Variants in CDK14 observed in about 807,000 individuals in gnomAD.
The protein encoded by CDK14 is cyclin-dependent kinase 14.
Under a neutral mutation model 60.7 loss-of-function variants are expected in CDK14, and 34 were observed. That is an observed-to-expected ratio of 0.56 (90% CI 0.43 to 0.75). CDK14 has a LOEUF of 0.75. Among genes scored for constraint, CDK14 ranks in the 30% least tolerant of loss-of-function variants. The probability of loss-of-function intolerance (pLI) is 0.00; values close to 1 mark genes in which losing one functional copy is unlikely to be tolerated. For missense variants in CDK14, 482 were observed against 564.1 expected (o/e 0.85, Z 1.47); for synonymous variants, 197 against 203.7 (o/e 0.97, Z 0.28).
At chr7:91,133,086 G>A (rs1800166212) in intron 14 of CDK14, among the ~76,000 whole-genome samples, 4 of 152,014 alleles carry the variant, frequency 2.6e-5, no homozygotes, top group Admixed American at 2.6e-4. Flanking sequence ...TGCAAAAAAT[G>A]GAAAAGCGAG....
At chr7:90,957,788 T>C (rs1309828174) in intron 9 of CDK14, among the ~76,000 whole-genome samples, 1 of 151,900 alleles carries the variant, frequency 6.6e-6, no homozygotes, top group African/African-American at 2.4e-5. Context: ...CAAGGTAATT[T>C]ACAGATTCAA....
chr7:91,035,833 C>CG lies in CDK14; in HGVS notation c.1042-10064_1042-10063insG, dbSNP rs765764443. ...TTAGCTAGGCCCTCTGCTTCATGGT[C>CG]TTTTTTTTTTTTTTTTTTTTTGAGA... On this transcript the variant is annotated intron_variant, in intron 10 of 14. Transcript: ENST00000380050. Among the ~76,000 whole-genome samples, 53 of 99,236 alleles carry CG rather than the reference C, an allele frequency of 5.3e-4. 3 individuals are homozygous for CG. In the East Asian group the frequency reaches 0.015, roughly 29 times the overall value. 65.1% of individuals were successfully genotyped at this position (99,236 alleles called of 152,430 possible).
chr7:90,775,933 T>G (rs1233863170), intron 4 of CDK14, among the ~76,000 whole-genome samples: 1 of 152,088 alleles, frequency 6.6e-6, no homozygotes, highest in Admixed American at 6.6e-5. Context: ...GTGGGTATTA[T>G]GTTTATGTAT....
Position 91,147,738 on chromosome 7 carries a change from C to G in CDK14, c.*28+29530C>G, listed in dbSNP as rs545281450. Among the ~76,000 whole-genome samples, 8 of 152,188 alleles carry G rather than the reference C, an allele frequency of 5.3e-5. No individual in the cohort carries two copies. The East Asian group carries it at 1.5e-3, about 29-fold the overall frequency. On this transcript the variant is annotated intron_variant, in intron 14 of 14. Transcript: ENST00000380050. Reference sequence around the variant, plus strand: ...AGGATTCAAACCAAACTCTTTCCCCCCTCCCCCCCATTAAAGCCTGGATGG... The same window carrying G: ...AGGATTCAAACCAAACTCTTTCCCCGCTCCCCCCCATTAAAGCCTGGATGG...
chr7:90,809,622 C>T (rs971039543), intron 5 of CDK14, among the ~76,000 whole-genome samples: 1 of 152,114 alleles, frequency 6.6e-6, no homozygotes, highest in Non-Finnish European at 1.5e-5. Flanking sequence ...TAACTAAGAT[C>T]AGAGCAGAAC....
intron 9 of CDK14, among the ~76,000 whole-genome samples, chr7:90,971,363 T>C (rs1415202356): frequency 6.6e-6 from 1 of 152,052 alleles, no homozygotes; most frequent in Non-Finnish European, 1.5e-5. Flanking sequence ...CCTCAGTGAA[T>C]GATTAAGGGG....
intron 5 of CDK14, among the ~76,000 whole-genome samples, chr7:90,809,936 T>C (rs1232983617): frequency 2.6e-5 from 4 of 152,190 alleles, no homozygotes; most frequent in African/African-American, 2.4e-5. Context: ...GTTGAATCTC[T>C]GAATAGACCA....
chr7:91,194,521 A>C (rs989289677), intron 14 of CDK14, among the ~76,000 whole-genome samples: 4 of 151,954 alleles, frequency 2.6e-5, no homozygotes, highest in African/African-American at 9.7e-5. Flanking sequence ...CCAGGATAAC[A>C]TGAAACAACT....
chr7:91,006,601 CAG>C (rs1234283478), intron 10 of CDK14, among the ~76,000 whole-genome samples: 2 of 152,186 alleles, frequency 1.3e-5, no homozygotes, highest in African/African-American at 4.8e-5. Context: ...AAAAAGTACT[CAG>C]AATTCCACTA....
At chr7:90,992,400 A>G (rs1277697082) in intron 10 of CDK14, among the ~76,000 whole-genome samples, 1 of 152,218 alleles carries the variant, frequency 6.6e-6, no homozygotes, top group Admixed American at 6.5e-5. Flanking sequence ...CATTTATGCA[A>G]CAGATATTTA....
chr7:91,127,722 C>T (rs1308575336), intron 14 of CDK14, among the ~76,000 whole-genome samples: 1 of 151,976 alleles, frequency 6.6e-6, no homozygotes, highest in Non-Finnish European at 1.5e-5. Context: ...CATGTCAATT[C>T]ATCTAGAATT....
chr7:90,933,354 G>A (rs138846442), intron 8 of CDK14, among the ~76,000 whole-genome samples: 101 of 152,162 alleles, frequency 6.6e-4, no homozygotes, highest in African/African-American at 2.2e-3. Flanking sequence ...TTTATAAACG[G>A]TATTGATAAT....
chr7:91,056,182 A>G (rs1330802164), intron 11 of CDK14, among the ~76,000 whole-genome samples: 1 of 152,188 alleles, frequency 6.6e-6, no homozygotes, highest in Non-Finnish European at 1.5e-5. Context: ...TGAGTAGGAC[A>G]CTGTATCTTT....
chr7:90,727,033 T>TG, intron 3 of CDK14, among the ~76,000 whole-genome samples: 1 of 152,286 alleles, frequency 6.6e-6, no homozygotes, highest in South Asian at 2.1e-4. Flanking sequence ...AACTTATTTT[T>TG]GGAAAAATCA....
chr7:90,857,304 G>A (rs920560822), intron 5 of CDK14, among the ~76,000 whole-genome samples: 13 of 152,134 alleles, frequency 8.5e-5, no homozygotes, highest in African/African-American at 2.2e-4. Flanking sequence ...GTATGGCTGC[G>A]AATATGAATC....
chr7:90,702,587 C>A (rs2116618571), intron 2 of CDK14, among the ~76,000 whole-genome samples: 1 of 152,072 alleles, frequency 6.6e-6, no homozygotes, highest in South Asian at 2.1e-4. Flanking sequence ...TATAGGGATA[C>A]ACATTTTAAT....
At chr7:90,863,306 A>G in intron 6 of CDK14, 37 bp downstream of exon 6, 1 of 1,231,942 alleles carries the variant, frequency 8.1e-7, no homozygotes, top group Non-Finnish European at 1.2e-6. Flanking sequence ...AGACATTTAA[A>G]ATATGAATGA....
At chr7:90,768,141 C>G (rs1804641493) in intron 4 of CDK14, among the ~76,000 whole-genome samples, 1 of 152,178 alleles carries the variant, frequency 6.6e-6, no homozygotes, top group Non-Finnish European at 1.5e-5. Context: ...TAAAAAAGGG[C>G]TCGTTTAATT....
At chr7:90,672,564 G>A (rs920949075) in intron 2 of CDK14, among the ~76,000 whole-genome samples, 7 of 134,516 alleles carry the variant, frequency 5.2e-5, no homozygotes, top group Non-Finnish European at 9.2e-5. Flanking sequence ...TTCTTGCCCA[G>A]GCTGGAGTGC....
Sources: allele counts gnomAD v4.1 joint callset (sites outside exome capture counted in the v4.1 genomes callset), GRCh38; gene constraint gnomAD v4.1.1; transcripts MANE v1.5; gene names NCBI Gene and HGNC (gene_info 2026-07-23, HGNC 2026-07-21).